Variants in ZC3H3 observed in about 807,000 individuals in gnomAD.
ZC3H3 encodes the protein zinc finger CCCH-type containing 3, also known as zinc finger CCCH domain-containing protein 3.
Under a neutral mutation model 77.3 loss-of-function variants are expected in ZC3H3, and 36 were observed. The observed-to-expected ratio is 0.47, with a 90% CI of 0.36 to 0.61. The LOEUF is 0.61. ZC3H3 is among the 20% of genes least tolerant of loss of function. ZC3H3 has a pLI of 0.00. For missense variants in ZC3H3, 1,331 were observed against 1,312.2 expected, an observed-to-expected ratio of 1.01 and a Z score of -0.22; for synonymous variants, 626 against 555.2, an observed-to-expected ratio of 1.13 and a Z score of -1.79.
chr8:143,526,073 TA>T (rs1322454261), intron 3 of ZC3H3, among the ~76,000 whole-genome samples: 8 of 152,208 alleles, frequency 5.3e-5, no homozygotes. Context: ...CACCCAGGGC[TA>T]CACCAAAACC....
chr8:143,446,086 C>T (rs1368459489), intron 9 of ZC3H3, among the ~76,000 whole-genome samples: 2 of 152,180 alleles, frequency 1.3e-5, no homozygotes, highest in African/African-American at 4.8e-5. Context: ...GGCTGCACCG[C>T]ACACCCGCTG....
chr8:143,536,572 G>A (rs1324452357), intron 2 of ZC3H3, 119 bp from the exon 3 acceptor site: 2 of 1,117,876 alleles, frequency 1.8e-6, no homozygotes, highest in Non-Finnish European at 2.4e-6. Flanking sequence ...CCAGGCCACA[G>A]CGGGTCCTTT....
intron 4 of ZC3H3, among the ~76,000 whole-genome samples, chr8:143,482,316 G>A (rs1479643489): frequency 1.3e-5 from 2 of 152,216 alleles, no homozygotes; most frequent in Non-Finnish European, 2.9e-5. Flanking sequence ...CTTACCACTG[G>A]GGAAAATGAG....
At chr8:143,506,608 C>G (rs1821704626) in intron 4 of ZC3H3, among the ~76,000 whole-genome samples, 1 of 152,174 alleles carries the variant, frequency 6.6e-6, no homozygotes, top group Non-Finnish European at 1.5e-5. Flanking sequence ...GCTTATAAAT[C>G]TATTTAAAAC....
intron 5 of ZC3H3, among the ~76,000 whole-genome samples, chr8:143,474,606 CG>C (rs1820673896): frequency 6.6e-6 from 1 of 152,222 alleles, no homozygotes; most frequent in East Asian, 1.9e-4. Context: ...CAGACCCTGC[CG>C]TCGGAGTCTA....
chr8:143,498,699 G>A (rs1333506008), intron 4 of ZC3H3, among the ~76,000 whole-genome samples: 2 of 147,100 alleles, frequency 1.4e-5, no homozygotes, highest in Non-Finnish European at 3.0e-5. Context: ...GATGGGAACC[G>A]GGGGCAGAGG....
chr8:143,510,369 G>A (rs770659262), intron 3 of ZC3H3, among the ~76,000 whole-genome samples: 3 of 152,230 alleles, frequency 2.0e-5, no homozygotes, highest in Admixed American at 6.5e-5. Flanking sequence ...TGTCCCCCAC[G>A]GCCTGGCCCT....
At position 143,440,216 on chromosome 8, in the gene ZC3H3, T is replaced by TGAGGATGAG; in HGVS notation, c.2639_2640insCTCATCCTC (p.Ser879_Ser881dup). ...CGTGGTCCAAGGAAGCGGGAGGGGA[T>TGAGGATGAG]GAGGAGGAGGAGGAGGAGGAGGAAG... is the stretch of plus-strand genomic sequence containing the variant. On this transcript the variant is annotated inframe_insertion, in exon 11 of 12. Coordinates refer to ENST00000262577, the MANE Select transcript of ZC3H3 (RefSeq NM_015117.3). 1 of 1,568,102 alleles carries TGAGGATGAG rather than the reference T, an allele frequency of 6.4e-7. No individual in the cohort carries two copies.
rs1328344047 is a variant in ZC3H3, at chr8:143,530,332, G to A, written c.1561+5925C>T. Among the ~76,000 whole-genome samples the A allele has an allele frequency of 6.6e-6, 1 of 152,176 alleles. No individual in the cohort carries two copies. Among genetic ancestry groups the A allele is most frequent in the Non-Finnish European group, 1.5e-5 (1 of 68,020 alleles). On this transcript the variant is annotated intron_variant, in intron 3 of 11. Coordinates refer to ENST00000262577, the MANE Select transcript of ZC3H3 (RefSeq NM_015117.3). The surrounding 1 kb of genome is among the most constrained non-coding windows in gnomAD (Gnocchi z 4.3). ...TCCAGGCCACGGGGGAAGGGGGCAGGCCACCGGCATGCATCCACCATCCTG... is the reference window on the plus strand; with the variant it reads ...TCCAGGCCACGGGGGAAGGGGGCAGACCACCGGCATGCATCCACCATCCTG...
chr8:143,541,191 G>A (rs1461160511), intron 1 of ZC3H3, among the ~76,000 whole-genome samples, 185 bp downstream of exon 1: 1 of 152,182 alleles, frequency 6.6e-6, no homozygotes, highest in African/African-American at 2.4e-5. Context: ...CGACAAAGCT[G>A]GAGCCGGGGA....
Position 143,441,023 on chromosome 8 carries a change from C to T in ZC3H3, c.2405G>A (p.Arg802His), listed in dbSNP as rs376452593. Residue 802 changes from arginine to histidine, a missense_variant, in exon 10 of 12, where the codon CGC (arginine) becomes CAC (histidine). Arg to His is a conservative substitution (Grantham distance 29). Around this residue, in one of 3 missense-constraint regions of ZC3H3, gnomAD observed 249 missense variants for 236.9 expected, o/e 1.05. Transcript: ENST00000262577. ...GGACGTGGCTGCCCGCCGACTGTGGCGTTTCTGGGTACGGTGGAGCAGCTG... is the reference window on the plus strand; with the variant it reads ...GGACGTGGCTGCCCGCCGACTGTGGTGTTTCTGGGTACGGTGGAGCAGCTG... ...QCQLLHRTQK[R>H]HSRRAATSPA... is the part of the protein sequence containing the mutation. The T allele has an allele frequency of 3.5e-4, 520 of 1,479,796 alleles. 1 individual carries two copies. The Middle Eastern group carries it at 6.0e-3, about 17-fold the overall frequency. The allele number at this position is 1,479,796 out of a possible 1,614,324, so 91.7% of individuals were successfully genotyped here.
chr8:143,483,422 G>A (rs536258943), intron 4 of ZC3H3, among the ~76,000 whole-genome samples: 149 of 152,326 alleles, frequency 9.8e-4, no homozygotes, highest in African/African-American at 3.5e-3. Context: ...CCCAGCCCGT[G>A]AGGCTGGGGC....
rs1033716531 is a variant in ZC3H3 at position 143,460,680 on chromosome 8, A to T, written c.2307+5037T>A. ...GCACACGAAGGAACTAACAAAACGCAGTGCACACACAACGGAATGTTACTC... is the reference window on the plus strand; with the variant it reads ...GCACACGAAGGAACTAACAAAACGCTGTGCACACACAACGGAATGTTACTC... On this transcript the variant is annotated intron_variant, in intron 9 of 11. Transcript: ENST00000262577. This position sits in a 1 kb window ranked among gnomAD's most constrained non-coding sequence, Gnocchi z 4.0. 2.6e-5 allele frequency among the ~76,000 whole-genome samples: 4 copies of T among 152,354 alleles called. No homozygotes were observed. Among genetic ancestry groups the T allele is most frequent in the Non-Finnish European group, 5.9e-5 (4 of 68,034 alleles).
intron 3 of ZC3H3, among the ~76,000 whole-genome samples, chr8:143,518,323 G>A (rs199626116): frequency 1.3e-5 from 2 of 152,140 alleles, no homozygotes; most frequent in East Asian, 3.9e-4. Context: ...CAGTGGAACA[G>A]ATCTGGGGCC....
intron 5 of ZC3H3, among the ~76,000 whole-genome samples, chr8:143,474,261 G>C (rs1820661474): frequency 6.6e-6 from 1 of 150,804 alleles, no homozygotes; most frequent in Admixed American, 6.6e-5. Flanking sequence ...TGAGTGGGAG[G>C]CACACACAGG....
At chr8:143,526,727 A>T (rs1175249198) in intron 3 of ZC3H3, among the ~76,000 whole-genome samples, 1 of 152,102 alleles carries the variant, frequency 6.6e-6, no homozygotes, top group African/African-American at 2.4e-5. Flanking sequence ...GCCCAGCAAC[A>T]TCCTGACCCC....
At chr8:143,523,265 C>A in intron 3 of ZC3H3, 1 of 970,942 alleles carries the variant, frequency 1.0e-6, no homozygotes, top group Non-Finnish European at 1.2e-6. Context: ...CAGGCTTGCT[C>A]CACGTCCCCA....
rs774760836 is a variant in ZC3H3 at position 143,539,281 on chromosome 8, G to A, written c.86C>T (p.Pro29Leu). 5.6e-6 allele frequency: 9 copies of A among 1,612,328 alleles called. No individual in the cohort carries two copies. Among genetic ancestry groups the A allele is most frequent in the South Asian group, 5.5e-5 (5 of 91,058 alleles). ...AGAAGCTGCTGGGGTACCAGGGGCC[G>A]GGGCATTGCCGTGGAGGGTTTTGTA... ...DDYKTLHGNA[P>L]APGTPAASGW... Residue 29 changes from proline to leucine, a missense_variant, in exon 2 of 12, where the codon CCG becomes CTG. This residue lies in a region of ZC3H3 where 978 missense variants were observed against 915.5 expected (regional missense o/e 1.07). Transcript: ENST00000262577.
chr8:143,512,420 C>A (rs771190069), intron 3 of ZC3H3, among the ~76,000 whole-genome samples: 52 of 152,256 alleles, frequency 3.4e-4, no homozygotes, highest in Non-Finnish European at 6.3e-4. Context: ...TGTCTGTGAC[C>A]CGTTTCTGTG....
Sources: allele counts gnomAD v4.1 joint callset (sites outside exome capture counted in the v4.1 genomes callset), GRCh38; gene constraint gnomAD v4.1.1; regional missense constraint gnomAD v4.1.1; non-coding constraint Gnocchi (gnomAD v3.1); transcripts MANE v1.5; gene names NCBI Gene and HGNC (gene_info 2026-07-23, HGNC 2026-07-21).